MYO3B: variants seen among roughly 807,000 people sequenced by gnomAD.
MYO3B encodes myosin IIIB.
MYO3B carries 156 observed loss-of-function variants against 174.6 expected under a neutral mutation model. That is an observed-to-expected ratio of 0.89 (90% confidence interval 0.78 to 1.02). MYO3B has a LOEUF of 1.02. Among genes scored for constraint, MYO3B ranks in the 50% least tolerant of loss-of-function variants. The pLI is 0.00. For missense variants in MYO3B, 1,632 were observed against 1,639.4 expected (o/e 1.00, Z 0.08); for synonymous variants, 563 against 569.1 (o/e 0.99, Z 0.15).
intron 10 of MYO3B, 102 bp downstream of exon 10, chr2:170,382,214 A>C: frequency 1.1e-6 from 1 of 935,338 alleles, no homozygotes; most frequent in East Asian, 2.6e-5. Flanking sequence ...TCATTTGAAA[A>C]TTTAATTGTT....
intron 7 of MYO3B, among the ~76,000 whole-genome samples, chr2:170,258,492 C>T (rs1263388739): frequency 1.3e-5 from 2 of 152,018 alleles, no homozygotes; most frequent in African/African-American, 4.8e-5. Context: ...ATAGAAAAAG[C>T]TTCTGATAAA....
chr2:170,553,802 C>G (rs778541139), intron 32 of MYO3B, among the ~76,000 whole-genome samples: 1 of 152,094 alleles, frequency 6.6e-6, no homozygotes, highest in Non-Finnish European at 1.5e-5. Flanking sequence ...GGGAGAGAGA[C>G]CTGGTGGGAG....
intron 32 of MYO3B, among the ~76,000 whole-genome samples, chr2:170,558,465 G>A (rs2106246158): frequency 6.6e-6 from 1 of 152,036 alleles, no homozygotes; most frequent in East Asian, 1.9e-4. Context: ...GCATCCTACA[G>A]GTAACCACCT....
chr2:170,244,457 A>T (rs1205905580), intron 7 of MYO3B, among the ~76,000 whole-genome samples: 2 of 152,198 alleles, frequency 1.3e-5, no homozygotes, highest in Non-Finnish European at 2.9e-5. Flanking sequence ...AGATAAGTTC[A>T]GGTTTCTTTG....
At chr2:170,195,525 C>T (rs898019277) in intron 1 of MYO3B, among the ~76,000 whole-genome samples, 11 of 152,218 alleles carry the variant, frequency 7.2e-5, no homozygotes, top group African/African-American at 2.4e-4. Flanking sequence ...AGTAAAATCC[C>T]CGCATTCACC....
At chr2:170,568,612 C>T (rs1448045124) in intron 32 of MYO3B, among the ~76,000 whole-genome samples, 1 of 152,178 alleles carries the variant, frequency 6.6e-6, no homozygotes, top group Non-Finnish European at 1.5e-5. Context: ...CAGTTTGCCC[C>T]ACCACATTCT....
At chr2:170,647,843 T>C (rs962695823) in intron 32 of MYO3B, 4 of 152,144 alleles carry the variant, frequency 2.6e-5, no homozygotes, top group Non-Finnish European at 5.9e-5. Context: ...GTTGAGACAA[T>C]ATAAATAAAA....
At chr2:170,520,504 C>T (rs549170265) in intron 30 of MYO3B, among the ~76,000 whole-genome samples, 1 of 151,544 alleles carries the variant, frequency 6.6e-6, no homozygotes, top group East Asian at 1.9e-4. Context: ...CATATATACA[C>T]ACACACACAT....
intron 32 of MYO3B, chr2:170,646,900 T>A (rs1418991079): frequency 7.4e-7 from 1 of 1,357,434 alleles, no homozygotes; most frequent in African/African-American, 1.5e-5. Flanking sequence ...TCTCTGTCTC[T>A]CGCCTCAGCC....
rs560938542 is a variant in MYO3B at position 170,630,617 on chromosome 2, G to A, written c.3734-21011G>A. Among the ~76,000 whole-genome samples, 272 of 152,308 alleles carry A rather than the reference G, an allele frequency of 1.8e-3. 2 individuals are homozygous for A. Among genetic ancestry groups the A allele is most frequent in the African/African-American group, 6.2e-3 (258 of 41,572 alleles). On this transcript the variant is annotated intron_variant, in intron 32 of 34. Coordinates refer to ENST00000408978, the MANE Select transcript of MYO3B (RefSeq NM_138995.5). ...CTCCTCAAGTGGGTCCCTGACCCCC[G>A]TGTAGCCTAACTAGGAGACACCTCC...
intron 1 of MYO3B, among the ~76,000 whole-genome samples, chr2:170,182,611 T>TTTC (rs1172057111): frequency 8.2e-6 from 1 of 122,510 alleles, no homozygotes; most frequent in Non-Finnish European, 1.9e-5. Context: ...TCTTTTTCTG[T>TTTC]TTCTTTTTTT....
At chr2:170,537,522 T>C (rs1404211845) in intron 30 of MYO3B, among the ~76,000 whole-genome samples, 1 of 129,608 alleles carries the variant, frequency 7.7e-6, no homozygotes, top group Admixed American at 9.0e-5. Context: ...CATAGCTCAC[T>C]GCAGCCTCGA....
chr2:170,272,164 G>A (rs1248754052), intron 7 of MYO3B, among the ~76,000 whole-genome samples: 1 of 151,334 alleles, frequency 6.6e-6, no homozygotes, highest in Non-Finnish European at 1.5e-5. Context: ...GATAGCATCG[G>A]CATCACTTGG....
chr2:170,504,889 T>C (rs1687524048), intron 28 of MYO3B, among the ~76,000 whole-genome samples: 1 of 152,156 alleles, frequency 6.6e-6, no homozygotes. Flanking sequence ...GTGGTCTTGG[T>C]GTGATCGAGG....
At chr2:170,405,249 C>T (rs1394921323) in intron 20 of MYO3B, among the ~76,000 whole-genome samples, 1 of 152,130 alleles carries the variant, frequency 6.6e-6, no homozygotes, top group East Asian at 1.9e-4. Flanking sequence ...AAACCAGGTT[C>T]TAAAACTAAC....
intron 29 of MYO3B, among the ~76,000 whole-genome samples, chr2:170,515,597 T>G (rs554761377): frequency 6.2e-4 from 94 of 152,266 alleles, no homozygotes; most frequent in African/African-American, 2.2e-3. Flanking sequence ...TCAAACATTT[T>G]TAAAATATTG....
chr2:170,441,549 G>C (rs777271177), intron 22 of MYO3B, among the ~76,000 whole-genome samples: 6 of 152,224 alleles, frequency 3.9e-5, no homozygotes, highest in African/African-American at 9.6e-5. Flanking sequence ...CATAGGCAGA[G>C]CAGCCCCAAG....
chr2:170,374,091 A>G (rs768909904), intron 9 of MYO3B, among the ~76,000 whole-genome samples: 4 of 152,200 alleles, frequency 2.6e-5, no homozygotes, highest in Non-Finnish European at 5.9e-5. Context: ...CAGAAAATGC[A>G]CCATCACCAC....
intron 8 of MYO3B, among the ~76,000 whole-genome samples, chr2:170,354,599 A>T (rs1428087990): frequency 6.6e-6 from 1 of 152,206 alleles, no homozygotes; most frequent in Non-Finnish European, 1.5e-5. Context: ...AGTCAAAAGT[A>T]TTCCAAACTG....
Sources: allele counts gnomAD v4.1 joint callset (sites outside exome capture counted in the v4.1 genomes callset), GRCh38; gene constraint gnomAD v4.1.1; transcripts MANE v1.5; gene names NCBI Gene and HGNC (gene_info 2026-07-23, HGNC 2026-07-21).